Variants in EYA4 observed in about 807,000 individuals in gnomAD.
EYA4 encodes protein phosphatase EYA4.
A neutral mutation model predicts 87.9 loss-of-function variants in EYA4; 31 were observed. That is an observed-to-expected ratio of 0.35 (90% CI 0.27 to 0.48). The LOEUF is 0.48. Among genes scored for constraint, EYA4 ranks in the 20% least tolerant of loss-of-function variants. The pLI is 0.99. For missense variants in EYA4, 678 were observed against 761.4 expected (o/e 0.89, Z 1.29); for synonymous variants, 263 against 270.6 (o/e 0.97, Z 0.28).
intron 2 of EYA4, among the ~76,000 whole-genome samples, chr6:133,305,840 G>C (rs1311540092): frequency 6.6e-6 from 1 of 152,108 alleles, no homozygotes; most frequent in African/African-American, 2.4e-5. Flanking sequence ...CCATTAGATT[G>C]CATCTGATAT....
chr6:133,256,431 T>C (rs1182873492), intron 1 of EYA4, among the ~76,000 whole-genome samples: 1 of 151,984 alleles, frequency 6.6e-6, no homozygotes, highest in Non-Finnish European at 1.5e-5. Flanking sequence ...TTATGAGGAA[T>C]GATATATTGT....
chr6:133,349,723 T>A (rs2128422764), intron 2 of EYA4, among the ~76,000 whole-genome samples: 1 of 152,256 alleles, frequency 6.6e-6, no homozygotes, highest in Middle Eastern at 3.4e-3. Context: ...ATCAGTGGGC[T>A]ACATCTCATT....
chr6:133,519,443 A>C (rs981047267), intron 17 of EYA4, among the ~76,000 whole-genome samples: 1 of 150,870 alleles, frequency 6.6e-6, no homozygotes, highest in Admixed American at 6.6e-5. Flanking sequence ...AGACTAAACC[A>C]GGAAGAAGTT....
At chr6:133,311,261 T>C (rs1237631172) in intron 2 of EYA4, among the ~76,000 whole-genome samples, 1 of 152,162 alleles carries the variant, frequency 6.6e-6, no homozygotes, top group Non-Finnish European at 1.5e-5. Context: ...TTCCCCTCTT[T>C]CCTGTGGCAT....
At chr6:133,256,721 CTAAAG>C (rs1255676600) in intron 1 of EYA4, among the ~76,000 whole-genome samples, 1 of 152,048 alleles carries the variant, frequency 6.6e-6, no homozygotes, top group Non-Finnish European at 1.5e-5. Context: ...CAAATGCTGG[CTAAAG>C]TAATCTGATA....
intron 6 of EYA4, 52 bp downstream of exon 6, chr6:133,456,700 T>A: frequency 9.4e-7 from 1 of 1,068,844 alleles, no homozygotes; most frequent in Non-Finnish European, 1.5e-6. Flanking sequence ...TGCATCCACA[T>A]CCTCCTCCTC....
At chr6:133,251,783 G>C (rs1310496829) in intron 1 of EYA4, among the ~76,000 whole-genome samples, 1 of 152,108 alleles carries the variant, frequency 6.6e-6, no homozygotes, top group African/African-American at 2.4e-5. Context: ...GCCTCTTCTT[G>C]AGAACCCATA....
At chr6:133,449,762 CCTTT>C (rs993987054) in intron 5 of EYA4, among the ~76,000 whole-genome samples, 1 of 152,152 alleles carries the variant, frequency 6.6e-6, no homozygotes, top group Admixed American at 6.5e-5. Flanking sequence ...AGTATGTCTT[CCTTT>C]CTTTAATTAG....
intron 1 of EYA4, among the ~76,000 whole-genome samples, chr6:133,256,037 C>T (rs1775307405): frequency 6.6e-6 from 1 of 151,822 alleles, no homozygotes. Flanking sequence ...TCATCTTTCT[C>T]ACAAAAACCA....
chr6:133,468,444 T>C, intron 10 of EYA4, 122 bp from the exon 11 acceptor site: 1 of 810,004 alleles, frequency 1.2e-6, no homozygotes, highest in East Asian at 2.5e-5. Context: ...CTCAAAGCTG[T>C]GGACTCAGAA....
intron 1 of EYA4, chr6:133,248,235 A>G (rs1400003553): frequency 6.6e-6 from 1 of 152,218 alleles, no homozygotes; most frequent in Non-Finnish European, 1.5e-5. Flanking sequence ...TTAGATTTTC[A>G]CGTAAATTAT....
intron 13 of EYA4, among the ~76,000 whole-genome samples, chr6:133,488,009 T>G (rs1275832730): frequency 1.3e-5 from 2 of 152,108 alleles, no homozygotes; most frequent in Non-Finnish European, 2.9e-5. Flanking sequence ...CCCACTGCCC[T>G]GAAGGGAGAG....
At chr6:133,426,972 T>C (rs1268059206) in intron 3 of EYA4, among the ~76,000 whole-genome samples, 1 of 152,198 alleles carries the variant, frequency 6.6e-6, no homozygotes, top group Non-Finnish European at 1.5e-5. Context: ...TATATCGGAA[T>C]CTATATTTTC....
intron 5 of EYA4, among the ~76,000 whole-genome samples, chr6:133,454,866 AT>A (rs772648075): frequency 2.1e-4 from 32 of 152,254 alleles, no homozygotes; most frequent in Non-Finnish European, 4.4e-4. Context: ...AGACACTGTC[AT>A]GAGCATAAGC....
chr6:133,492,600 A>G (rs1444003619), intron 13 of EYA4, among the ~76,000 whole-genome samples: 1 of 152,236 alleles, frequency 6.6e-6, no homozygotes, highest in Non-Finnish European at 1.5e-5. Context: ...TGGAAGTCCT[A>G]GTTAGAGCAG....
In EYA4 at chr6:133,429,135, C is replaced by T. The variant is rs529604179; in HGVS notation, c.84-17495C>T. ...AGAGACGGGGTTTCACCATGTCAGT[C>T]AGGCTGGTCTCTAACTCCTGACCTC... is the stretch of plus-strand genomic sequence containing the variant. On this transcript the variant is annotated intron_variant, in intron 3 of 19. Coordinates refer to ENST00000355286, the MANE Select transcript of EYA4 (RefSeq NM_004100.5). 5.3e-5 allele frequency among the ~76,000 whole-genome samples: 8 copies of T among 151,902 alleles called. No individual in the cohort carries two copies. In the South Asian group the frequency reaches 1.7e-3, roughly 32 times the overall value.
chr6:133,466,116 C>T (rs117866361), intron 10 of EYA4, among the ~76,000 whole-genome samples: 2 of 151,882 alleles, frequency 1.3e-5, no homozygotes, highest in Non-Finnish European at 2.9e-5. Flanking sequence ...AGGATTCAGT[C>T]CTCCGAAAGA....
intron 2 of EYA4, among the ~76,000 whole-genome samples, chr6:133,277,705 C>G (rs1345489609): frequency 1.3e-5 from 2 of 152,148 alleles, no homozygotes; most frequent in Admixed American, 6.5e-5. Context: ...AATTCACCAG[C>G]TCTCCTTCCC....
intron 14 of EYA4, among the ~76,000 whole-genome samples, chr6:133,509,033 C>T (rs1034891534): frequency 6.6e-5 from 10 of 152,110 alleles, no homozygotes; most frequent in Admixed American, 6.5e-5. Context: ...ACTGTATATG[C>T]GTGCCACACA....
Sources: gnomAD v4.1 joint callset for allele counts (sites outside exome capture counted in the v4.1 genomes callset) on GRCh38, gnomAD v4.1.1 for gene constraint, MANE v1.5 for transcripts, NCBI Gene and HGNC (gene_info 2026-07-23, HGNC 2026-07-21) for gene names.